The following IQCJ variants were observed in gnomAD, a reference collection of about 807,000 sequenced individuals.
IQCJ encodes IQ domain-containing protein J.
Under a neutral mutation model 11.0 loss-of-function variants are expected in IQCJ, and 9 were observed. That is an observed-to-expected ratio of 0.82 (90% confidence interval 0.49 to 1.43). The LOEUF is 1.43. Ranked by LOEUF, IQCJ falls within the 40% of genes most tolerant of loss-of-function variation. IQCJ has a pLI of 0.00. For synonymous variants in IQCJ, 55 were observed against 51.3 expected (o/e 1.07, Z -0.31); for missense variants, 146 against 133.2 (o/e 1.10, Z -0.47).
At chr3:159,206,380 T>C (rs907128731) in intron 1 of IQCJ, among the ~76,000 whole-genome samples, 10 of 152,230 alleles carry the variant, frequency 6.6e-5, no homozygotes, top group African/African-American at 2.4e-4. Context: ...GTGGGACCCC[T>C]TGTTTTTGTG....
chr3:159,246,810 T>A (rs1352087840), intron 2 of IQCJ, among the ~76,000 whole-genome samples: 3 of 152,142 alleles, frequency 2.0e-5, no homozygotes, highest in Non-Finnish European at 4.4e-5. Context: ...GATGTTCCTA[T>A]AAAAGAGAGG....
chr3:159,180,318 C>T (rs1723022788), intron 1 of IQCJ, among the ~76,000 whole-genome samples: 1 of 152,152 alleles, frequency 6.6e-6, no homozygotes, highest in African/African-American at 2.4e-5. Context: ...CTCTCTGTCA[C>T]ACACACATAT....
chr3:159,216,040 C>T (rs192593584), intron 1 of IQCJ, among the ~76,000 whole-genome samples: 69 of 139,682 alleles, frequency 4.9e-4, no homozygotes, highest in African/African-American at 1.9e-3. Context: ...TTTCTCCCTT[C>T]CCTTGAAGAG....
At position 159,163,660 on chromosome 3, in the gene IQCJ, C is replaced by T. The variant is rs1180391358; in HGVS notation, c.10-82183C>T. On this transcript the variant is annotated intron_variant, in intron 1 of 3. Coordinates refer to ENST00000397832, the MANE Select transcript of IQCJ (RefSeq NM_001042706.3). Reference sequence around the variant, plus strand: ...GATTACAGACTTGAGCCACCATGCCCAGCCTCATTTTTCATGTATTATCTC... The same window carrying T: ...GATTACAGACTTGAGCCACCATGCCTAGCCTCATTTTTCATGTATTATCTC... Among the ~76,000 whole-genome samples the T allele has an allele frequency of 2.6e-5, 4 of 152,166 alleles. No individual in the cohort carries two copies. The East Asian group carries it at 7.7e-4, about 29-fold the overall frequency.
At chr3:159,218,269 C>A (rs1725343309) in intron 1 of IQCJ, among the ~76,000 whole-genome samples, 1 of 151,612 alleles carries the variant, frequency 6.6e-6, no homozygotes, top group African/African-American at 2.4e-5. Flanking sequence ...ACATTCTGGC[C>A]CCAGAGTCCA....
At chr3:159,079,927 G>A (rs1470615356) in intron 1 of IQCJ, among the ~76,000 whole-genome samples, 3 of 151,900 alleles carry the variant, frequency 2.0e-5, no homozygotes, top group East Asian at 1.9e-4. Flanking sequence ...ATTTTAAAGG[G>A]TTTTGATGTC....
At chr3:159,115,235 C>T (rs1718902070) in intron 1 of IQCJ, among the ~76,000 whole-genome samples, 1 of 152,198 alleles carries the variant, frequency 6.6e-6, no homozygotes, top group Non-Finnish European at 1.5e-5. Flanking sequence ...GACAGGCTTC[C>T]TCTCTTCCAT....
At chr3:159,252,879 T>G in intron 3 of IQCJ, 72 bp downstream of exon 3, 1 of 1,463,704 alleles carries the variant, frequency 6.8e-7, no homozygotes, top group Non-Finnish European at 9.4e-7. Flanking sequence ...TCTGGAATTT[T>G]CGGGCACAAC....
At chr3:159,145,785 A>C (rs1456724031) in intron 1 of IQCJ, among the ~76,000 whole-genome samples, 6 of 152,154 alleles carry the variant, frequency 3.9e-5, no homozygotes, top group Non-Finnish European at 8.8e-5. Flanking sequence ...AAATTTAACA[A>C]ATATGTTTTG....
chr3:159,132,357 G>A (rs1720040262), intron 1 of IQCJ, among the ~76,000 whole-genome samples: 1 of 152,102 alleles, frequency 6.6e-6, no homozygotes, highest in African/African-American at 2.4e-5. Context: ...ATCCAGGCAT[G>A]GATTAAGATG....
At chr3:159,146,172 A>G (rs1720916659) in intron 1 of IQCJ, among the ~76,000 whole-genome samples, 1 of 152,170 alleles carries the variant, frequency 6.6e-6, no homozygotes, top group Admixed American at 6.5e-5. Flanking sequence ...ATTCACTCAC[A>G]TCATTGGCCT....
At chr3:159,243,148 T>A (rs923474918) in intron 1 of IQCJ, among the ~76,000 whole-genome samples, 1 of 152,206 alleles carries the variant, frequency 6.6e-6, no homozygotes, top group Non-Finnish European at 1.5e-5. Flanking sequence ...CTGGTTGGAA[T>A]ATAAAATAGC....
At chr3:159,236,296 T>G (rs2108167754) in intron 1 of IQCJ, among the ~76,000 whole-genome samples, 1 of 151,360 alleles carries the variant, frequency 6.6e-6, no homozygotes, top group African/African-American at 2.4e-5. Flanking sequence ...ACCAAGGAAT[T>G]TAGTCCTTGC....
chr3:159,184,759 T>C (rs1440588519), intron 1 of IQCJ, among the ~76,000 whole-genome samples: 1 of 152,224 alleles, frequency 6.6e-6, no homozygotes, highest in African/African-American at 2.4e-5. Context: ...TGATCTGGTA[T>C]ATTGATCCAG....
intron 1 of IQCJ, among the ~76,000 whole-genome samples, chr3:159,148,960 G>A (rs1360189108): frequency 1.7e-4 from 26 of 152,204 alleles, no homozygotes; most frequent in Non-Finnish European, 4.4e-5. Flanking sequence ...TATGATCTGG[G>A]TCACTATGGA....
At chr3:159,245,022 T>C (rs114477399) in intron 1 of IQCJ, among the ~76,000 whole-genome samples, 2,384 of 152,164 alleles carry the variant, frequency 0.016, 60 homozygotes, top group African/African-American at 0.055. Context: ...GAAGGGAGTC[T>C]CACCAGGAAG....
chr3:159,154,901 C>T (rs1345235278), intron 1 of IQCJ, among the ~76,000 whole-genome samples: 1 of 152,026 alleles, frequency 6.6e-6, no homozygotes, highest in South Asian at 2.1e-4. Context: ...CCTGCCTCTC[C>T]TTCCTCTCCC....
At chr3:159,184,439 T>C (rs1002638289) in intron 1 of IQCJ, among the ~76,000 whole-genome samples, 3 of 152,202 alleles carry the variant, frequency 2.0e-5, no homozygotes, top group East Asian at 1.9e-4. Context: ...TCTAAACTTA[T>C]TGAGGCATTT....
chr3:159,263,857 T>C, downstream of IQCJ: 1 of 969,954 alleles, frequency 1.0e-6, no homozygotes, highest in Non-Finnish European at 1.2e-6. Flanking sequence ...ATTGAACATT[T>C]AGTGAATCTT....
Sources: allele counts gnomAD v4.1 joint callset (sites outside exome capture counted in the v4.1 genomes callset), GRCh38; gene constraint gnomAD v4.1.1; transcripts MANE v1.5; gene names NCBI Gene and HGNC (gene_info 2026-07-23, HGNC 2026-07-21).